The following SPTB variants were observed in gnomAD, a reference collection of about 807,000 sequenced individuals.
SPTB encodes spectrin beta, erythrocytic.
SPTB carries 45 observed loss-of-function variants against 256.2 expected under a neutral mutation model. That is an observed-to-expected ratio of 0.18 (90% CI 0.14 to 0.23). SPTB has a LOEUF of 0.23. SPTB is among the 10% of genes least tolerant of loss of function. The probability of loss-of-function intolerance (pLI) is 1.00; values close to 1 mark genes in which losing one functional copy is unlikely to be tolerated. For synonymous variants in SPTB, 1,231 were observed against 1,243.1 expected (o/e 0.99, Z 0.21); for missense variants, 2,715 against 3,040.4 (o/e 0.89, Z 2.52).
chr14:64,756,050 CAGGAAATT>C (rs1370054167), intron 32 of SPTB: 1 of 152,230 alleles, frequency 6.6e-6, no homozygotes, highest in Non-Finnish European at 1.5e-5. Flanking sequence ...AAGATAGAGG[CAGGAAATT>C]AGACAAAGGT....
intron 33 of SPTB, among the ~76,000 whole-genome samples, chr14:64,752,756 T>G (rs943368289): frequency 6.6e-6 from 1 of 152,202 alleles, no homozygotes; most frequent in African/African-American, 2.4e-5. Context: ...GGAATCCCTT[T>G]CGTGAGTCCC....
chr14:64,797,809 T>C lies in SPTB; in HGVS notation c.1102A>G (p.Thr368Ala). ...TTGGCTCTCATCCGGGACTGGATGG[T>C]AAAAAGTAGAACTTCCAGATTCCCC... ...EKGNLEVLLFTIQSRMRANNQ... is the reference protein window; with the variant it reads ...EKGNLEVLLFAIQSRMRANNQ... The change falls in exon 10 of 36, where the codon ACC becomes GCC. Residue 368 changes from threonine to alanine, a missense_variant. Around this residue, in one of 4 missense-constraint regions of SPTB, gnomAD observed 416 missense variants for 571.1 expected, o/e 0.73. Coordinates refer to ENST00000644917, the MANE Select transcript of SPTB (RefSeq NM_001355436.2). 8 of 1,614,100 alleles carry C rather than the reference T, an allele frequency of 5.0e-6. No homozygotes were observed. Among genetic ancestry groups the C allele is most frequent in the Non-Finnish European group, 3.4e-6 (4 of 1,179,970 alleles).
intron 33 of SPTB, among the ~76,000 whole-genome samples, chr14:64,751,002 TTATA>T (rs1016250216): frequency 2.8e-5 from 4 of 142,584 alleles, no homozygotes; most frequent in Non-Finnish European, 6.0e-5. Flanking sequence ...ATATAATACA[TTATA>T]TATTATACAT....
Position 64,803,595 on chromosome 14 carries a change from C to G in SPTB, c.474+12G>C. ...GGGCTCCCTCGACTTCCTCTACCCC[C>G]CAGGAACCCACCTGGAAGCGGAGGA... On this transcript the variant is annotated intron_variant, in intron 4 of 35. Coordinates refer to ENST00000644917, the MANE Select transcript of SPTB (RefSeq NM_001355436.2). The G allele has an allele frequency of 6.2e-7, 1 of 1,614,042 alleles. No individual in the cohort carries two copies. The highest frequency in any genetic ancestry group is 2.2e-5 in the East Asian group (1 of 44,882).
chr14:64,846,479 G>C (rs887550504), intron 1 of SPTB, among the ~76,000 whole-genome samples: 1 of 152,246 alleles, frequency 6.6e-6, no homozygotes. Context: ...TGAAAGGGCA[G>C]CAGAACGCAT....
At chr14:64,770,309 T>G (rs576844649) in intron 27 of SPTB, among the ~76,000 whole-genome samples, 2 of 152,206 alleles carry the variant, frequency 1.3e-5, no homozygotes, top group Non-Finnish European at 2.9e-5. Context: ...AAGTGTGGTA[T>G]GTGAATTATA....
Position 64,772,997 on chromosome 14 carries a change from G to C in SPTB, c.5179-43C>G, listed in dbSNP as rs754965291. 1 of 1,586,350 alleles carries C rather than the reference G, an allele frequency of 6.3e-7. No homozygotes were observed. Among genetic ancestry groups the C allele is most frequent in the South Asian group, 1.1e-5 (1 of 88,634 alleles). On this transcript the variant is annotated intron_variant, in intron 25 of 35. Transcript: ENST00000644917. The surrounding 1 kb of genome is among the most constrained non-coding windows in gnomAD (Gnocchi z 5.4). ...AGAAATGTGGTTATGGGGGGCACAGGGGTTACAGGTGTCACCAGCTTAGCC... is the reference window on the plus strand; with the variant it reads ...AGAAATGTGGTTATGGGGGGCACAGCGGTTACAGGTGTCACCAGCTTAGCC...
rs921697840 is a variant in SPTB at position 64,806,204 on chromosome 14, CAAAT to C, written c.149-1118_149-1115del. 5.9e-5 allele frequency among the ~76,000 whole-genome samples: 9 copies of C among 151,946 alleles called. No homozygotes were observed. The highest frequency in any genetic ancestry group is 1.9e-4 in the African/African-American group (8 of 41,314). Reference sequence around the variant, plus strand: ...GAAAAGTAGCAGAAAAGAAGAAAAACAAATAAGATAGAATTGAAGGTGAGAAGAG... The same window carrying C: ...GAAAAGTAGCAGAAAAGAAGAAAAACAAGATAGAATTGAAGGTGAGAAGAG... On this transcript the variant is annotated intron_variant, in intron 2 of 35. Transcript: ENST00000644917. The surrounding 1 kb of genome is among the most constrained non-coding windows in gnomAD (Gnocchi z 4.1).
At position 64,786,711 on chromosome 14, in the gene SPTB, G is replaced by A. The variant is rs766839603; in HGVS notation, c.3254C>T (p.Ala1085Val). 6 of 1,614,026 alleles carry A rather than the reference G, an allele frequency of 3.7e-6. No individual in the cohort carries two copies. Among genetic ancestry groups the A allele is most frequent in the Non-Finnish European group, 5.1e-6 (6 of 1,180,008 alleles). ...GAGGGATTCGGGCATGTCCTCAGAG[G>A]CCACAGCCTTCTGGGTGATGGAGAG... ...AWLSITQKAV[A>V]SEDMPESLPE... Residue 1085 changes from alanine to valine, a missense_variant, in exon 16 of 36, where the codon GCC (alanine) becomes GTC (valine). Around this residue, in one of 4 missense-constraint regions of SPTB, gnomAD observed 2,239 missense variants for 2,384.4 expected, o/e 0.94. Coordinates refer to ENST00000644917, the MANE Select transcript of SPTB (RefSeq NM_001355436.2). The surrounding 1 kb of genome is among the most constrained non-coding windows in gnomAD (Gnocchi z 5.6).
intron 1 of SPTB, among the ~76,000 whole-genome samples, chr14:64,848,469 T>G (rs1273425472): frequency 6.6e-6 from 1 of 152,226 alleles, no homozygotes; most frequent in Non-Finnish European, 1.5e-5. Context: ...TTTTCAATAT[T>G]GCTATTACAT....
chr14:64,805,186 C>A, intron 2 of SPTB, 96 bp from the exon 3 acceptor site: 1 of 1,409,500 alleles, frequency 7.1e-7, no homozygotes, highest in Non-Finnish European at 1.0e-6. Flanking sequence ...AGGGTACCCC[C>A]ATGCTTGGCA....
At chr14:64,837,101 G>GTC (rs1454729066) in intron 1 of SPTB, among the ~76,000 whole-genome samples, 2 of 152,218 alleles carry the variant, frequency 1.3e-5, no homozygotes, top group Non-Finnish European at 2.9e-5. Context: ...GTGCTAAGAG[G>GTC]CAGACCCTTG....
intron 32 of SPTB, among the ~76,000 whole-genome samples, chr14:64,765,895 G>A (rs2082167252): frequency 1.3e-5 from 2 of 150,218 alleles, no homozygotes; most frequent in African/African-American, 4.9e-5. Flanking sequence ...GTGTGTGCAT[G>A]TGTGTGTGTG....
intron 15 of SPTB, among the ~76,000 whole-genome samples, chr14:64,787,651 G>T (rs2082597712): frequency 6.6e-6 from 1 of 152,234 alleles, no homozygotes; most frequent in Non-Finnish European, 1.5e-5. Flanking sequence ...GAGAAAAGAT[G>T]CCCTGGTGAA....
chr14:64,864,818 T>C lies in SPTB; in HGVS notation c.-52+14974A>G, dbSNP rs143182367. Among the ~76,000 whole-genome samples, 428 of 152,236 alleles carry C rather than the reference T, an allele frequency of 2.8e-3. 2 individuals carry two copies. The highest frequency in any genetic ancestry group is 1.0e-2 in the African/African-American group (414 of 41,538). ...CTAAAAACTGGTTTTTAAAAAGTTA[T>C]AGAAGATGAAGAAGGAGAGGGAAGG... On this transcript the variant is annotated intron_variant, in intron 1 of 35. Transcript: ENST00000644917.
intron 2 of SPTB, among the ~76,000 whole-genome samples, chr14:64,811,514 G>A (rs544016001): frequency 2.6e-5 from 4 of 152,308 alleles, no homozygotes; most frequent in Admixed American, 6.5e-5. Flanking sequence ...TTTATTAGGT[G>A]TAATAATGGT....
chr14:64,793,084 C>G lies in SPTB; in HGVS notation c.2579G>C (p.Cys860Ser), dbSNP rs2139592504. 3 of 1,614,144 alleles carry G rather than the reference C, an allele frequency of 1.9e-6. No homozygotes were observed. Among genetic ancestry groups the G allele is most frequent in the Non-Finnish European group, 2.5e-6 (3 of 1,180,050 alleles). Reference sequence around the variant, plus strand: ...CTCCTTCTCTCCCATCCACAGCTCACAGGCGTCTGTCTCCCCGAACACCGT... The same window carrying G: ...CTCCTTCTCTCCCATCCACAGCTCAGAGGCGTCTGTCTCCCCGAACACCGT... ...LYTVFGETDA[C>S]ELWMGEKEKW... The change falls in exon 14 of 36, where the codon TGT becomes TCT. Residue 860 changes from cysteine (C) to serine (S), a missense_variant. Physicochemically the swap from Cys to Ser is moderately radical, Grantham distance 112. Coordinates refer to ENST00000644917, the MANE Select transcript of SPTB (RefSeq NM_001355436.2). This position sits in a 1 kb window ranked among gnomAD's most constrained non-coding sequence, Gnocchi z 7.0.
chr14:64,790,631 G>A lies in SPTB; in HGVS notation c.2804+1088C>T, dbSNP rs1241388219. Among the ~76,000 whole-genome samples, 3 of 152,182 alleles carry A rather than the reference G, an allele frequency of 2.0e-5. No homozygotes were observed. In the South Asian group the frequency reaches 6.2e-4, roughly 32 times the overall value. On this transcript the variant is annotated intron_variant, in intron 15 of 35. Transcript: ENST00000644917. This position sits in a 1 kb window ranked among gnomAD's most constrained non-coding sequence, Gnocchi z 4.8. ...TTAGCCCCCCAGTGAACTCTCCACT[G>A]TGCCGATCCCTTTCTTTACAATGGA...
chr14:64,786,676 C>T lies in SPTB; in HGVS notation c.3289G>A (p.Glu1097Lys). The T allele has an allele frequency of 6.2e-7, 1 of 1,614,130 alleles. No homozygotes were observed. Among genetic ancestry groups the T allele is most frequent in the African/African-American group, 1.3e-5 (1 of 75,054 alleles). The change falls in exon 16 of 36, where the codon GAG becomes AAG. Residue 1097 changes from glutamate (E) to lysine (K), a missense_variant. By Grantham distance (56) the Glu-to-Lys change is moderately conservative. Around this residue, in one of 4 missense-constraint regions of SPTB, gnomAD observed 2,239 missense variants for 2,384.4 expected, o/e 0.94. Coordinates refer to ENST00000644917, the MANE Select transcript of SPTB (RefSeq NM_001355436.2). This position sits in a 1 kb window ranked among gnomAD's most constrained non-coding sequence, Gnocchi z 5.6. ...EDMPESLPEA[E>K]QLLQQHAGIK... ...CCTGCATGCTGCTGCAGGAGCTGCTCAGCCTCTGGGAGGGATTCGGGCATG... is the reference window on the plus strand; with the variant it reads ...CCTGCATGCTGCTGCAGGAGCTGCTTAGCCTCTGGGAGGGATTCGGGCATG...
Sources: allele counts gnomAD v4.1 joint callset (sites outside exome capture counted in the v4.1 genomes callset), GRCh38; gene constraint gnomAD v4.1.1; regional missense constraint gnomAD v4.1.1; non-coding constraint Gnocchi (gnomAD v3.1); transcripts MANE v1.5; gene names NCBI Gene and HGNC (gene_info 2026-07-23, HGNC 2026-07-21).